The following ABCA13 variants were observed in gnomAD, a reference collection of about 807,000 sequenced individuals.
ABCA13 encodes ATP-binding cassette sub-family A member 13.
Under a neutral mutation model 478.7 loss-of-function variants are expected in ABCA13, and 476 were observed. The observed-to-expected ratio is 0.99, with a 90% CI of 0.92 to 1.07. ABCA13 has a LOEUF of 1.07. ABCA13 is among the 50% of genes least tolerant of loss of function. The pLI is 0.00. For missense variants in ABCA13, 6,060 were observed against 5,910.6 expected (o/e 1.03, Z -0.83); for synonymous variants, 2,252 against 2,158.9 (o/e 1.04, Z -1.20).
At chr7:48,259,738 C>T (rs1793918374) in intron 15 of ABCA13, among the ~76,000 whole-genome samples, 2 of 151,434 alleles carry the variant, frequency 1.3e-5, no homozygotes, top group South Asian at 2.1e-4. Flanking sequence ...TTTGTGGCGC[C>T]CAGTAACTGT....
intron 28 of ABCA13, among the ~76,000 whole-genome samples, chr7:48,336,349 A>T (rs1806260846): frequency 6.6e-6 from 1 of 152,174 alleles, no homozygotes; most frequent in African/African-American, 2.4e-5. Flanking sequence ...CCAAGACAGG[A>T]TTACATGTGC....
chr7:48,555,819 T>C (rs1785762916), intron 55 of ABCA13, among the ~76,000 whole-genome samples: 1 of 151,766 alleles, frequency 6.6e-6, no homozygotes, highest in Non-Finnish European at 1.5e-5. Context: ...CATTTATTTC[T>C]GTTTTAATCT....
intron 55 of ABCA13, among the ~76,000 whole-genome samples, chr7:48,578,267 G>A (rs1456709085): frequency 2.6e-5 from 4 of 152,008 alleles, no homozygotes; most frequent in African/African-American, 9.7e-5. Flanking sequence ...GATTGTGAAG[G>A]AATAAATAAA....
At chr7:48,358,051 A>C (rs1330378590) in intron 31 of ABCA13, among the ~76,000 whole-genome samples, 1 of 151,278 alleles carries the variant, frequency 6.6e-6, no homozygotes, top group African/African-American at 2.4e-5. Context: ...CTGAGGCAGG[A>C]GAATTGCTTG....
At chr7:48,316,341 G>A (rs1802577967) in intron 26 of ABCA13, among the ~76,000 whole-genome samples, 2 of 152,178 alleles carry the variant, frequency 1.3e-5, no homozygotes, top group South Asian at 4.1e-4. Flanking sequence ...TCTCAATATT[G>A]TGACTGTTGA....
rs534851801 is a variant in ABCA13, at chr7:48,185,845, G to A, written c.70-7114G>A. Among the ~76,000 whole-genome samples the A allele has an allele frequency of 5.3e-4, 81 of 151,974 alleles. 1 individual carries two copies. Among genetic ancestry groups the A allele is most frequent in the Admixed American group, 2.4e-3 (36 of 15,264 alleles). ...TAAAATATTGTAATATAATGTAATT[G>A]TTGTGCTATATATTTTGAGGTTAAA... On this transcript the variant is annotated intron_variant, in intron 1 of 61. Coordinates refer to ENST00000435803, the MANE Select transcript of ABCA13 (RefSeq NM_152701.5).
At chr7:48,595,703 A>C (rs1004677578) in intron 58 of ABCA13, among the ~76,000 whole-genome samples, 2 of 152,202 alleles carry the variant, frequency 1.3e-5, no homozygotes, top group Non-Finnish European at 2.9e-5. Context: ...AGAGGAGAGG[A>C]ATGCCAAATC....
chr7:48,198,527 A>G (rs1213626589), intron 3 of ABCA13, among the ~76,000 whole-genome samples, 167 bp downstream of exon 3: 1 of 152,242 alleles, frequency 6.6e-6, no homozygotes, highest in Non-Finnish European at 1.5e-5. Flanking sequence ...GCCTCCAACT[A>G]ATGGTTAGCT....
chr7:48,626,998 G>A, intron 59 of ABCA13: 1 of 985,408 alleles, frequency 1.0e-6, no homozygotes, highest in Non-Finnish European at 1.2e-6. Flanking sequence ...TCACAACTTT[G>A]AAGCAATATT....
intron 59 of ABCA13, among the ~76,000 whole-genome samples, chr7:48,631,379 T>C (rs1794148723): frequency 6.6e-6 from 1 of 152,052 alleles, no homozygotes; most frequent in Non-Finnish European, 1.5e-5. Flanking sequence ...GTGGCTAGCC[T>C]CTTATCCCAG....
At chr7:48,513,789 C>T (rs373344726) in intron 51 of ABCA13, among the ~76,000 whole-genome samples, 8 of 151,766 alleles carry the variant, frequency 5.3e-5, no homozygotes, top group Non-Finnish European at 1.0e-4. Context: ...AAATAGGAGA[C>T]GGGAGCTGCT....
chr7:48,269,791 A>G (rs1452940332), intron 16 of ABCA13, among the ~76,000 whole-genome samples: 2 of 152,218 alleles, frequency 1.3e-5, no homozygotes, highest in South Asian at 2.1e-4. Flanking sequence ...CACACATTCT[A>G]TAGGTGGTTC....
intron 15 of ABCA13, among the ~76,000 whole-genome samples, chr7:48,261,115 C>A (rs1025225189): frequency 6.6e-5 from 10 of 151,882 alleles, no homozygotes; most frequent in Non-Finnish European, 7.4e-5. Flanking sequence ...TATATTGACT[C>A]TCTCTGTCTG....
chr7:48,256,998 T>A (rs1020817486), intron 15 of ABCA13, among the ~76,000 whole-genome samples: 1 of 152,202 alleles, frequency 6.6e-6, no homozygotes, highest in African/African-American at 2.4e-5. Context: ...CAGTGTTTTT[T>A]AATTCTCATT....
chr7:48,426,485 G>C (rs950756423), intron 41 of ABCA13, among the ~76,000 whole-genome samples: 2 of 152,160 alleles, frequency 1.3e-5, no homozygotes, highest in African/African-American at 4.8e-5. Context: ...AGGTTGTGTA[G>C]AGAAATCAGA....
chr7:48,248,557 A>G, intron 14 of ABCA13, 113 bp downstream of exon 14: 1 of 908,664 alleles, frequency 1.1e-6, no homozygotes, highest in Non-Finnish European at 1.6e-6. Context: ...TTGAATAGAA[A>G]GAGGTTCAAT....
intron 58 of ABCA13, among the ~76,000 whole-genome samples, chr7:48,595,457 A>G (rs1236023233): frequency 2.0e-5 from 3 of 152,226 alleles, no homozygotes; most frequent in African/African-American, 7.2e-5. Context: ...TGTTTAAGTA[A>G]AATATACTGT....
chr7:48,387,049 T>C (rs768488281), intron 35 of ABCA13, among the ~76,000 whole-genome samples: 36 of 152,082 alleles, frequency 2.4e-4, no homozygotes, highest in Non-Finnish European at 4.1e-4. Context: ...AACATCTCTT[T>C]CTATTTTTTG....
In ABCA13 at chr7:48,528,203, G is replaced by C. The variant is rs757631520; in HGVS notation, c.14245-33G>C. The stretch of plus-strand genomic sequence containing the variant: ...TTCTATTTATTTAGCTTGTTTGATT[G>C]AATGTGCTTTACTTAACTTTGTTTC... On this transcript the variant is annotated intron_variant, in intron 54 of 61. Transcript: ENST00000435803. 12 of 1,480,858 alleles carry C rather than the reference G, an allele frequency of 8.1e-6. No individual in the cohort carries two copies. In the South Asian group the frequency reaches 1.3e-4, roughly 17 times the overall value. The allele number at this position is 1,480,858 out of a possible 1,614,324, so 91.7% of individuals were successfully genotyped here. A position where few individuals can be genotyped will look rare whatever the true frequency, so the allele number is the denominator to read the frequency against.
Sources: gnomAD v4.1 joint callset for allele counts (sites outside exome capture counted in the v4.1 genomes callset) on GRCh38, gnomAD v4.1.1 for gene constraint, MANE v1.5 for transcripts, NCBI Gene and HGNC (gene_info 2026-07-23, HGNC 2026-07-21) for gene names.